Variants in PTPN4 observed in about 807,000 individuals in gnomAD.
The protein encoded by PTPN4 is protein tyrosine phosphatase non-receptor type 4.
In PTPN4, 49 loss-of-function variants were observed where a neutral mutation model predicts 135.5. The ratio of observed to expected loss-of-function variants is 0.36; its 90% CI spans 0.29 to 0.46. PTPN4 has a LOEUF of 0.46. Ranked by LOEUF, PTPN4 falls within the 20% of genes least tolerant of loss-of-function variation. The probability of loss-of-function intolerance (pLI) is 1.00; values close to 1 mark genes in which losing one functional copy is unlikely to be tolerated. For missense variants in PTPN4, 860 were observed against 1,101.0 expected (o/e 0.78, Z 3.10); for synonymous variants, 333 against 369.9 (o/e 0.90, Z 1.14).
intron 9 of PTPN4, among the ~76,000 whole-genome samples, chr2:119,889,898 G>C (rs1277994247): frequency 2.0e-5 from 3 of 152,022 alleles, no homozygotes; most frequent in Non-Finnish European, 4.4e-5. Flanking sequence ...GAAGCATGTT[G>C]TTTAACTAAT....
At position 119,881,789 on chromosome 2, in the gene PTPN4, C is replaced by G; in HGVS notation, c.372C>G (p.Tyr124Ter). The change falls in exon 6 of 27, where the codon TAC becomes TAG. Residue 124 changes from tyrosine to a stop codon, truncating the protein, a stop_gained. Transcript: ENST00000263708. LOFTEE classifies it high-confidence loss of function. ...PNKLQEEYTR[Y>*]QYFLQIKQDI... Reference sequence around the variant, plus strand: ...TTTTTGTTTGTTTGTTTTTAAGGTACCAGTATTTTTTGCAAATTAAACAAG... The same window carrying G: ...TTTTTGTTTGTTTGTTTTTAAGGTAGCAGTATTTTTTGCAAATTAAACAAG... 1 of 1,555,114 alleles carries G rather than the reference C, an allele frequency of 6.4e-7. No homozygotes were observed. Among genetic ancestry groups the G allele is most frequent in the South Asian group, 1.2e-5 (1 of 84,694 alleles).
chr2:119,854,764 T>C (rs1677647443), intron 2 of PTPN4, among the ~76,000 whole-genome samples: 1 of 152,150 alleles, frequency 6.6e-6, no homozygotes. Flanking sequence ...GTAAAGATGA[T>C]TGGAATTCAT....
In PTPN4 at chr2:119,965,435, G is replaced by A. The variant is rs1679432433; in HGVS notation, c.2410-62G>A. On this transcript the variant is annotated intron_variant, in intron 24 of 26. Transcript: ENST00000263708. ...CTTCTTTCCTGATGAATTTTATGAG[G>A]TTTGTAGGGACAATTTCAATAATAC... is the stretch of plus-strand genomic sequence containing the variant. 6.8e-6 allele frequency: 10 copies of A among 1,469,262 alleles called. No individual in the cohort carries two copies. The South Asian group carries it at 9.2e-5, about 14-fold the overall frequency. The allele number at this position is 1,469,262 out of a possible 1,614,324, so 91.0% of individuals were successfully genotyped here. A position where few individuals can be genotyped will look rare whatever the true frequency, so the allele number is the denominator to read the frequency against.
intron 19 of PTPN4, among the ~76,000 whole-genome samples, chr2:119,952,437 T>C (rs977355076): frequency 6.6e-6 from 1 of 152,224 alleles, no homozygotes; most frequent in Admixed American, 6.5e-5. Flanking sequence ...CTTTTTGATT[T>C]TGTTATGACT....
chr2:119,971,963 T>C (rs571696224), intron 26 of PTPN4, among the ~76,000 whole-genome samples: 33 of 152,284 alleles, frequency 2.2e-4, no homozygotes, highest in Non-Finnish European at 3.7e-4. Context: ...AATATAAGAG[T>C]TTATTTCTAG....
chr2:119,863,595 G>C (rs904213953), intron 3 of PTPN4, among the ~76,000 whole-genome samples: 5 of 151,884 alleles, frequency 3.3e-5, no homozygotes, highest in African/African-American at 1.2e-4. Context: ...CTCATGGTTG[G>C]GATCTTCATT....
At chr2:119,836,534 C>T (rs569230660) in intron 2 of PTPN4, among the ~76,000 whole-genome samples, 6 of 152,334 alleles carry the variant, frequency 3.9e-5, no homozygotes, top group East Asian at 3.9e-4. Flanking sequence ...GTGCACTCCA[C>T]GGAGCCTGCG....
At chr2:119,952,345 G>C (rs1679222691) in intron 19 of PTPN4, among the ~76,000 whole-genome samples, 1 of 151,810 alleles carries the variant, frequency 6.6e-6, no homozygotes, top group Non-Finnish European at 1.5e-5. Context: ...TTCTACACTA[G>C]CTTTCTTGCA....
rs986667187 is a variant in PTPN4 at position 119,877,620 on chromosome 2, G to T, written c.368+78G>T. On this transcript the variant is annotated intron_variant, in intron 5 of 26. Transcript: ENST00000263708. ...AATTTTGAAATTAATTAGGCAAAAA[G>T]AAATTACTGTGGTGTAATTCTGAGC... 4.0e-6 allele frequency: 6 copies of T among 1,484,446 alleles called. No homozygotes were observed. The African/African-American group carries it at 5.7e-5, about 14-fold the overall frequency. The allele number at this position is 1,484,446 out of a possible 1,614,324, so 92.0% of individuals were successfully genotyped here. A position where few individuals can be genotyped will look rare whatever the true frequency, so the allele number is the denominator to read the frequency against.
At chr2:119,971,307 A>G (rs1191576392) in intron 26 of PTPN4, among the ~76,000 whole-genome samples, 5 of 152,188 alleles carry the variant, frequency 3.3e-5, no homozygotes, top group Non-Finnish European at 4.4e-5. Flanking sequence ...TCACGAGAAC[A>G]GAAAGGGGGA....
At chr2:119,882,708 G>A (rs191450834) in intron 8 of PTPN4, 85 bp downstream of exon 8, 7 of 1,117,984 alleles carry the variant, frequency 6.3e-6, no homozygotes, top group East Asian at 2.7e-5. Context: ...TATGATGGCT[G>A]TATTTAATAT....
intron 1 of PTPN4, among the ~76,000 whole-genome samples, chr2:119,802,871 C>T (rs1388800171): frequency 6.6e-6 from 1 of 152,058 alleles, no homozygotes; most frequent in East Asian, 1.9e-4. Context: ...TTTAGAATTA[C>T]GAATTTGATT....
chr2:119,882,278 A>G (rs1304789354), intron 7 of PTPN4, 129 bp downstream of exon 7: 13 of 1,084,702 alleles, frequency 1.2e-5, no homozygotes, highest in Non-Finnish European at 1.8e-5. Context: ...GTGGAAATGT[A>G]ATGAAATCTC....
chr2:119,851,325 G>A (rs1677587766), intron 2 of PTPN4, among the ~76,000 whole-genome samples: 1 of 152,142 alleles, frequency 6.6e-6, no homozygotes, highest in African/African-American at 2.4e-5. Flanking sequence ...TAGAAAAAGA[G>A]ACTGAGGCAA....
chr2:119,936,010 T>TG (rs1558768793), intron 15 of PTPN4, among the ~76,000 whole-genome samples: 2 of 150,230 alleles, frequency 1.3e-5, no homozygotes, highest in Admixed American at 6.6e-5. Context: ...ACATGTAAAT[T>TG]TTTTTTTTTT....
intron 26 of PTPN4, among the ~76,000 whole-genome samples, chr2:119,973,324 C>T (rs1219885772): frequency 6.6e-6 from 1 of 152,082 alleles, no homozygotes; most frequent in Non-Finnish European, 1.5e-5. Flanking sequence ...CAAGTTGTAG[C>T]GTAAGTCAGA....
chr2:119,856,154 C>T (rs992471455), intron 2 of PTPN4, among the ~76,000 whole-genome samples: 7 of 152,134 alleles, frequency 4.6e-5, no homozygotes, highest in African/African-American at 1.4e-4. Flanking sequence ...GCATATCACT[C>T]CCATCGGGAC....
chr2:119,930,586 T>C (rs1678890015), intron 13 of PTPN4, among the ~76,000 whole-genome samples: 1 of 152,186 alleles, frequency 6.6e-6, no homozygotes, highest in African/African-American at 2.4e-5. Flanking sequence ...GTCCTTATCA[T>C]TATTTTAATG....
At chr2:119,936,929 A>G (rs1678992794) in intron 15 of PTPN4, among the ~76,000 whole-genome samples, 1 of 152,228 alleles carries the variant, frequency 6.6e-6, no homozygotes, top group African/African-American at 2.4e-5. Flanking sequence ...AACCTTAAGA[A>G]TAATGAGAGA....
Sources: allele counts gnomAD v4.1 joint callset (sites outside exome capture counted in the v4.1 genomes callset), GRCh38; gene constraint gnomAD v4.1.1; transcripts MANE v1.5; gene names NCBI Gene and HGNC (gene_info 2026-07-23, HGNC 2026-07-21).